UNC13A: variants seen among roughly 807,000 people sequenced by gnomAD.
UNC13A encodes unc-13 homolog A.
UNC13A carries 61 observed loss-of-function variants against 219.7 expected under a neutral mutation model. The ratio of observed to expected loss-of-function variants is 0.28; its 90% CI spans 0.23 to 0.34. The LOEUF is 0.34. Among genes scored for constraint, UNC13A ranks in the 10% least tolerant of loss-of-function variants. The pLI is 1.00. For synonymous variants in UNC13A, 920 were observed against 884.6 expected (o/e 1.04, Z -0.71); for missense variants, 1,476 against 2,270.3 (o/e 0.65, Z 7.11).
At position 17,614,799 on chromosome 19, in the gene UNC13A, C is replaced by A. The variant is rs1003038448; in HGVS notation, c.4558+2903G>T. Among the ~76,000 whole-genome samples the A allele has an allele frequency of 5.9e-5, 9 of 152,254 alleles. No individual in the cohort carries two copies. In the East Asian group the frequency reaches 1.4e-3, roughly 23 times the overall value. On this transcript the variant is annotated intron_variant, in intron 41 of 43. Transcript: ENST00000519716. ...TCAGGCTCCCATTCCACCCCCACCC[C>A]CCGCCACCAGTCACATGCTCAGCCG...
At chr19:17,686,233 C>A (rs1003136249) in intron 1 of UNC13A, among the ~76,000 whole-genome samples, 1 of 149,896 alleles carries the variant, frequency 6.7e-6, no homozygotes, top group Non-Finnish European at 1.5e-5. Flanking sequence ...CTCCTGCTGC[C>A]CCCCCTTAAT....
intron 11 of UNC13A, among the ~76,000 whole-genome samples, chr19:17,653,405 T>A (rs1348322233): frequency 6.6e-6 from 1 of 151,726 alleles, no homozygotes; most frequent in Admixed American, 6.6e-5. Flanking sequence ...TGGAGTGCAG[T>A]GGCGCAATCT....
chr19:17,617,553 C>T lies in UNC13A; in HGVS notation c.4558+149G>A, dbSNP rs191020911. Reference sequence around the variant, plus strand: ...GGCCCCGCCCCCATGAACCTTTGATCGCTCATTGGTCCCTGGACTTGGTGC... The same window carrying T: ...GGCCCCGCCCCCATGAACCTTTGATTGCTCATTGGTCCCTGGACTTGGTGC... On this transcript the variant is annotated intron_variant, in intron 41 of 43. Coordinates refer to ENST00000519716, the MANE Select transcript of UNC13A (RefSeq NM_001080421.3). 5.0e-5 allele frequency: 60 copies of T among 1,203,544 alleles called. No homozygotes were observed. The Admixed American group carries it at 1.1e-3, about 22-fold the overall frequency. 74.6% of individuals were successfully genotyped at this position (1,203,544 alleles called of 1,614,324 possible).
At position 17,604,861 on chromosome 19, in the gene UNC13A, T is replaced by TTC. The variant is rs138757763; in HGVS notation, c.*1191_*1192dup. ...TCTCACTGTGTCACTGTGTTTGTGT[T>TTC]TCTCTCTCTCTCATTCTCTTTCTCT... On this transcript the variant is annotated 3_prime_UTR_variant, in exon 44 of 44. Coordinates refer to ENST00000519716, the MANE Select transcript of UNC13A (RefSeq NM_001080421.3). 0.059 allele frequency: 8,998 copies of TTC among 152,328 alleles called. 308 individuals carry two copies. Among genetic ancestry groups the TTC allele is most frequent in the Middle Eastern group, 0.11 (34 of 296 alleles). The allele number at this position is 152,328 out of a possible 1,614,324, so 9.4% of individuals were successfully genotyped here. A position where few individuals can be genotyped will look rare whatever the true frequency, so the allele number is the denominator to read the frequency against.
At chr19:17,665,581 G>A (rs1016407433) in intron 7 of UNC13A, among the ~76,000 whole-genome samples, 2 of 152,174 alleles carry the variant, frequency 1.3e-5, no homozygotes, top group African/African-American at 2.4e-5. Context: ...CCAGTTGCCG[G>A]GTGTGTGGCC....
chr19:17,663,559 T>C lies in UNC13A; in HGVS notation c.532A>G (p.Asn178Asp). 1 of 1,611,568 alleles carries C rather than the reference T, an allele frequency of 6.2e-7. No individual in the cohort carries two copies. The highest frequency in any genetic ancestry group is 8.5e-7 in the Non-Finnish European group (1 of 1,179,108). Reference sequence around the variant, plus strand: ...TGCTGCTCACCCCAGCCAAAATAATTCCAGTTGCCTACAAAGAGAAGGGGC... The same window carrying C: ...TGCTGCTCACCCCAGCCAAAATAATCCCAGTTGCCTACAAAGAGAAGGGGC... Reference protein sequence around the residue: ...PVPSNQCCNWNYFGWGEQHND... With the variant: ...PVPSNQCCNWDYFGWGEQHND... Residue 178 changes from asparagine (N) to aspartate (D), a missense_variant, in exon 8 of 44, where the codon AAT (asparagine) becomes GAT (aspartate). By Grantham distance (23) the Asn-to-Asp change is conservative. Around this residue, in one of 14 missense-constraint regions of UNC13A, gnomAD observed 203 missense variants for 301.6 expected, o/e 0.67. Transcript: ENST00000519716.
At chr19:17,625,906 T>C (rs564036561) in intron 34 of UNC13A, among the ~76,000 whole-genome samples, 1 of 151,858 alleles carries the variant, frequency 6.6e-6, no homozygotes, top group South Asian at 2.1e-4. Context: ...ATGATCTAAA[T>C]ATCTATTGAC....
intron 37 of UNC13A, among the ~76,000 whole-genome samples, 181 bp downstream of exon 37, chr19:17,621,651 T>C (rs540215303): frequency 1.3e-5 from 2 of 152,084 alleles, no homozygotes; most frequent in African/African-American, 4.8e-5. Context: ...ACACTGCACG[T>C]TCTGTCCCTG....
chr19:17,687,267 C>T (rs1305028085), intron 1 of UNC13A, among the ~76,000 whole-genome samples: 2 of 152,122 alleles, frequency 1.3e-5, no homozygotes, highest in East Asian at 1.9e-4. Flanking sequence ...GGGCGTGGGC[C>T]TCTGTGCAGA....
intron 34 of UNC13A, among the ~76,000 whole-genome samples, chr19:17,625,716 T>C: frequency 6.6e-6 from 1 of 150,442 alleles, no homozygotes; most frequent in Middle Eastern, 3.5e-3. Context: ...ATCGACCCAC[T>C]CATCCACCCA....
intron 1 of UNC13A, among the ~76,000 whole-genome samples, chr19:17,681,497 G>A (rs2080017354): frequency 6.6e-6 from 1 of 152,122 alleles, no homozygotes; most frequent in Non-Finnish European, 1.5e-5. Flanking sequence ...CACTAAATGA[G>A]GACCCTTATC....
At chr19:17,679,361 T>A (rs1027260485) in intron 1 of UNC13A, among the ~76,000 whole-genome samples, 3 of 151,624 alleles carry the variant, frequency 2.0e-5, no homozygotes, top group Admixed American at 6.6e-5. Context: ...GATCACGCCA[T>A]TGCACTCCAG....
chr19:17,611,937 A>AGGGAG (rs1475852859), intron 41 of UNC13A, 82 bp from the exon 42 acceptor site: 1 of 1,262,908 alleles, frequency 7.9e-7, no homozygotes, highest in Non-Finnish European at 1.1e-6. Flanking sequence ...CCTCCCACCC[A>AGGGAG]CCTGTGCTGG....
intron 1 of UNC13A, among the ~76,000 whole-genome samples, chr19:17,679,986 T>TCC (rs2079975793): frequency 2.6e-5 from 4 of 151,954 alleles, no homozygotes; most frequent in African/African-American, 9.7e-5. Context: ...CCTGCCGAGG[T>TCC]CCAGGTTGAG....
rs555889996 is a variant in UNC13A at position 17,627,043 on chromosome 19, T to C, written c.3921-258A>G. Among the ~76,000 whole-genome samples, 2 of 152,114 alleles carry C rather than the reference T, an allele frequency of 1.3e-5. No individual in the cohort carries two copies. Among genetic ancestry groups the C allele is most frequent in the East Asian group, 3.9e-4 (2 of 5,162 alleles). On this transcript the variant is annotated intron_variant, in intron 33 of 43. Transcript: ENST00000519716. The surrounding 1 kb of genome is among the most constrained non-coding windows in gnomAD (Gnocchi z 4.7). ...CCTGTCTCTACTAAAAATACAAAAA[T>C]TAGCTGGGTGTGGTGGCATGCACCT...
chr19:17,648,378 C>T (rs910439175), intron 16 of UNC13A, 53 bp downstream of exon 16: 60 of 1,444,146 alleles, frequency 4.2e-5, no homozygotes, highest in African/African-American at 5.7e-5. Context: ...GCCATGCAAG[C>T]CCCGGGGCTC....
At chr19:17,645,567 G>C (rs563316602) in intron 19 of UNC13A, 107 bp downstream of exon 19, 16 of 1,501,058 alleles carry the variant, frequency 1.1e-5, no homozygotes, top group Non-Finnish European at 1.4e-5. Context: ...TATGCTCCTC[G>C]ACCAAACTCC....
At chr19:17,616,984 C>T (rs2076672980) in intron 41 of UNC13A, among the ~76,000 whole-genome samples, 1 of 152,146 alleles carries the variant, frequency 6.6e-6, no homozygotes, top group African/African-American at 2.4e-5. Flanking sequence ...GAGACCGAAG[C>T]AAAATACAGA....
intron 36 of UNC13A, 82 bp from the exon 37 acceptor site, chr19:17,621,952 G>C: frequency 7.1e-7 from 1 of 1,409,418 alleles, no homozygotes; most frequent in Non-Finnish European, 1.0e-6. Flanking sequence ...AATATTCATG[G>C]GGATGGGGGA....
Sources: allele counts gnomAD v4.1 joint callset (sites outside exome capture counted in the v4.1 genomes callset), GRCh38; gene constraint gnomAD v4.1.1; regional missense constraint gnomAD v4.1.1; non-coding constraint Gnocchi (gnomAD v3.1); transcripts MANE v1.5; gene names NCBI Gene and HGNC (gene_info 2026-07-23, HGNC 2026-07-21).